KAT2B: variants seen among roughly 807,000 people sequenced by gnomAD.
KAT2B encodes lysine acetyltransferase 2B, also known as histone acetyltransferase KAT2B.
Under a neutral mutation model 105.9 loss-of-function variants are expected in KAT2B, and 36 were observed. The observed-to-expected ratio is 0.34, with a 90% CI of 0.26 to 0.45. The LOEUF is 0.45. Among genes scored for constraint, KAT2B ranks in the 20% least tolerant of loss-of-function variants. The pLI, the probability that KAT2B is intolerant of heterozygous loss-of-function variation, is 1.00. For missense variants in KAT2B, 820 were observed against 1,021.6 expected, an observed-to-expected ratio of 0.80 and a Z score of 2.69; for synonymous variants, 397 against 377.9, an observed-to-expected ratio of 1.05 and a Z score of -0.59.
intron 2 of KAT2B, among the ~76,000 whole-genome samples, chr3:20,087,400 GTATA>G (rs1698639801): frequency 6.6e-6 from 1 of 151,694 alleles, no homozygotes; most frequent in Admixed American, 6.6e-5. Flanking sequence ...AAATAAAAAT[GTATA>G]TATTTATCGT....
chr3:20,072,515 T>C, intron 2 of KAT2B, 56 bp downstream of exon 2: 1 of 1,551,822 alleles, frequency 6.4e-7, no homozygotes. Context: ...CGTGAGACTC[T>C]TAACTTACTG....
At chr3:20,127,708 A>T (rs373469804) in intron 11 of KAT2B, among the ~76,000 whole-genome samples, 159 bp downstream of exon 11, 5 of 152,160 alleles carry the variant, frequency 3.3e-5, no homozygotes, top group Non-Finnish European at 5.9e-5. Context: ...ATGGTCTCCA[A>T]CCTTTTTGGC....
chr3:20,058,378 C>T (rs1034657653), intron 1 of KAT2B, among the ~76,000 whole-genome samples: 7 of 145,760 alleles, frequency 4.8e-5, no homozygotes, highest in Admixed American at 4.4e-4. Context: ...TTGCTTGAAC[C>T]TGGGAGGCGG....
intron 2 of KAT2B, among the ~76,000 whole-genome samples, chr3:20,072,723 C>G (rs565923626): frequency 6.6e-6 from 1 of 152,324 alleles, no homozygotes; most frequent in Admixed American, 6.5e-5. Context: ...TGAAACATGA[C>G]AATCGAGCTA....
intron 5 of KAT2B, 24 bp downstream of exon 5, chr3:20,101,492 C>G (rs779579225): frequency 6.2e-6 from 10 of 1,607,278 alleles, no homozygotes; most frequent in East Asian, 2.2e-5. Context: ...AGTTCTTTTC[C>G]TTTGGCCCCA....
At chr3:20,093,256 G>A (rs1357239027) in intron 2 of KAT2B, among the ~76,000 whole-genome samples, 2 of 152,198 alleles carry the variant, frequency 1.3e-5, no homozygotes, top group African/African-American at 4.8e-5. Context: ...TACTAAGCCA[G>A]CTCTCACTGT....
At chr3:20,118,683 A>AC (rs1315638952) in intron 7 of KAT2B, among the ~76,000 whole-genome samples, 27 of 140,864 alleles carry the variant, frequency 1.9e-4, no homozygotes, top group African/African-American at 6.8e-4. Flanking sequence ...CCAAGATTGC[A>AC]CCACTGCACT....
intron 9 of KAT2B, among the ~76,000 whole-genome samples, chr3:20,124,988 T>G (rs111925424): frequency 1.3e-5 from 2 of 152,128 alleles, no homozygotes; most frequent in Non-Finnish European, 2.9e-5. Context: ...TCAACAGATA[T>G]TCTCTGGAAA....
intron 5 of KAT2B, among the ~76,000 whole-genome samples, chr3:20,110,949 A>T (rs528041810): frequency 6.6e-6 from 1 of 152,226 alleles, no homozygotes; most frequent in Admixed American, 6.5e-5. Context: ...GTAGAAGCTT[A>T]ATACTTCCTA....
chr3:20,127,722 A>G (rs1699430438), intron 11 of KAT2B, among the ~76,000 whole-genome samples, 173 bp downstream of exon 11: 2 of 152,212 alleles, frequency 1.3e-5, no homozygotes, highest in Admixed American at 6.5e-5. Flanking sequence ...TTTTGGCACC[A>G]GGGACTGGTT....
At position 20,054,725 on chromosome 3, in the gene KAT2B, A is replaced by G. The variant is rs1176260434; in HGVS notation, c.303+13945A>G. Reference sequence around the variant, plus strand: ...GCAGTGCCAATTTGCATCAGCTCTGACAAGCTGGTGTTGAAACTAGATGGC... The same window carrying G: ...GCAGTGCCAATTTGCATCAGCTCTGGCAAGCTGGTGTTGAAACTAGATGGC... On this transcript the variant is annotated intron_variant, in intron 1 of 17. Transcript: ENST00000263754. 2.0e-5 allele frequency among the ~76,000 whole-genome samples: 3 copies of G among 152,234 alleles called. No individual in the cohort carries two copies. The East Asian group carries it at 5.8e-4, about 29-fold the overall frequency.
intron 9 of KAT2B, among the ~76,000 whole-genome samples, chr3:20,125,032 A>G (rs1210201354): frequency 6.6e-6 from 1 of 152,224 alleles, no homozygotes; most frequent in Non-Finnish European, 1.5e-5. Context: ...TGTTAAGAAT[A>G]TATACATGAG....
intron 11 of KAT2B, among the ~76,000 whole-genome samples, chr3:20,130,859 G>A (rs535743443): frequency 7.3e-5 from 11 of 151,638 alleles, no homozygotes; most frequent in African/African-American, 2.7e-4. Flanking sequence ...AGTTTAGTGT[G>A]TGTGTGTGTG....
chr3:20,044,396 GAC>G (rs1207533086), intron 1 of KAT2B, among the ~76,000 whole-genome samples: 1 of 151,458 alleles, frequency 6.6e-6, no homozygotes, highest in Non-Finnish European at 1.5e-5. Flanking sequence ...CAGCCTGGGT[GAC>G]AGAGCAAGAT....
Position 20,040,770 on chromosome 3 carries a change from C to A in KAT2B, c.293C>A (p.Ser98Tyr), listed in dbSNP as rs1157330275. The part of the protein sequence containing the change: ...AKKLEKLGVY[S>Y]ACKAEESCKC... ...AAACTGGAGAAACTCGGAGTGTACT[C>A]CGCCTGCAAGGTACGCGCTCGCCGC... Residue 98 changes from serine to tyrosine, a missense_variant, in exon 1 of 18, where the codon TCC (serine) becomes TAC (tyrosine). By Grantham distance (144) the Ser-to-Tyr change is moderately radical. Coordinates refer to ENST00000263754, the MANE Select transcript of KAT2B (RefSeq NM_003884.5). 4 of 1,591,578 alleles carry A rather than the reference C, an allele frequency of 2.5e-6. No individual in the cohort carries two copies. The highest frequency in any genetic ancestry group is 3.4e-6 in the Non-Finnish European group (4 of 1,172,220).
At chr3:20,079,198 G>A (rs1241044738) in intron 2 of KAT2B, among the ~76,000 whole-genome samples, 1 of 133,152 alleles carries the variant, frequency 7.5e-6, no homozygotes, top group South Asian at 2.5e-4. Flanking sequence ...ACCACACCTG[G>A]CCTCTTTTTT....
chr3:20,122,837 A>T, intron 9 of KAT2B, 33 bp downstream of exon 9: 3 of 1,589,362 alleles, frequency 1.9e-6, no homozygotes, highest in Non-Finnish European at 2.6e-6. Flanking sequence ...GCCAGCTGGT[A>T]GACCTCTTCT....
At chr3:20,134,437 G>A (rs561435772) in intron 11 of KAT2B, among the ~76,000 whole-genome samples, 66 of 135,186 alleles carry the variant, frequency 4.9e-4, no homozygotes, top group African/African-American at 2.4e-3. Flanking sequence ...TCGCTCTGTC[G>A]CCAGGCTGGA....
chr3:20,067,592 C>G (rs1698244561), intron 1 of KAT2B, among the ~76,000 whole-genome samples: 1 of 152,142 alleles, frequency 6.6e-6, no homozygotes, highest in Non-Finnish European at 1.5e-5. Flanking sequence ...TAGCATGCAT[C>G]TCAGGGCAAG....
Sources: allele counts gnomAD v4.1 joint callset (sites outside exome capture counted in the v4.1 genomes callset), GRCh38; gene constraint gnomAD v4.1.1; transcripts MANE v1.5; gene names NCBI Gene and HGNC (gene_info 2026-07-23, HGNC 2026-07-21).